SLC35F4: variants seen among roughly 807,000 people sequenced by gnomAD.
SLC35F4 encodes solute carrier family 35 member F4.
SLC35F4 carries 24 observed loss-of-function variants against 44.2 expected under a neutral mutation model. The ratio of observed to expected loss-of-function variants is 0.54; its 90% CI spans 0.39 to 0.76. SLC35F4 has a LOEUF of 0.76. SLC35F4 is among the 30% of genes least tolerant of loss of function. The pLI is 0.00. For missense variants in SLC35F4, 562 were observed against 586.1 expected (o/e 0.96, Z 0.42); for synonymous variants, 238 against 223.6 (o/e 1.06, Z -0.57).
intron 1 of SLC35F4, among the ~76,000 whole-genome samples, chr14:57,896,608 T>C (rs1434087205): frequency 6.6e-6 from 1 of 152,144 alleles, no homozygotes; most frequent in Non-Finnish European, 1.5e-5. Context: ...CTTTATCTTA[T>C]GTAAAAAAAA....
At chr14:57,781,855 A>G (rs778321134) in intron 1 of SLC35F4, among the ~76,000 whole-genome samples, 12 of 152,184 alleles carry the variant, frequency 7.9e-5, no homozygotes, top group Non-Finnish European at 1.5e-4. Flanking sequence ...AGTGGGAGTT[A>G]AATGATGAGA....
intron 4 of SLC35F4, among the ~76,000 whole-genome samples, chr14:57,574,780 G>A (rs2068694666): frequency 6.6e-6 from 1 of 152,062 alleles, no homozygotes; most frequent in Non-Finnish European, 1.5e-5. Context: ...TGGCACCACT[G>A]GTTTAACTTT....
chr14:57,746,538 G>A (rs1179490071), intron 1 of SLC35F4, among the ~76,000 whole-genome samples: 1 of 151,986 alleles, frequency 6.6e-6, no homozygotes, highest in Non-Finnish European at 1.5e-5. Flanking sequence ...ATACATTGCT[G>A]TATTCAATTT....
chr14:57,949,160 A>G (rs958964139), intron 1 of SLC35F4, among the ~76,000 whole-genome samples: 4 of 152,088 alleles, frequency 2.6e-5, no homozygotes, highest in African/African-American at 7.2e-5. Flanking sequence ...GTTACCATCT[A>G]TCTCATTTCT....
chr14:57,824,470 T>C (rs1308203535), intron 1 of SLC35F4, among the ~76,000 whole-genome samples: 6 of 152,122 alleles, frequency 3.9e-5, no homozygotes, highest in African/African-American at 1.4e-4. Flanking sequence ...CATACATAAA[T>C]AGAAGATAGA....
chr14:57,782,456 T>C (rs2077646575), intron 1 of SLC35F4, among the ~76,000 whole-genome samples: 1 of 152,068 alleles, frequency 6.6e-6, no homozygotes, highest in African/African-American at 2.4e-5. Context: ...TTTAACACCA[T>C]AAAACGTACA....
chr14:57,834,821 A>C (rs1566891676), intron 1 of SLC35F4, among the ~76,000 whole-genome samples: 1 of 152,150 alleles, frequency 6.6e-6, no homozygotes, highest in African/African-American at 2.4e-5. Flanking sequence ...GGAGTTCGAG[A>C]CCAGCATGGC....
chr14:57,597,257 G>A (rs536326901), intron 1 of SLC35F4, among the ~76,000 whole-genome samples: 1 of 152,248 alleles, frequency 6.6e-6, no homozygotes, highest in South Asian at 2.1e-4. Context: ...ATGTGTGGGT[G>A]GTATCTCATT....
At chr14:57,956,952 A>T (rs1251197648) in intron 1 of SLC35F4, among the ~76,000 whole-genome samples, 2 of 152,232 alleles carry the variant, frequency 1.3e-5, no homozygotes, top group Admixed American at 1.3e-4. Context: ...ATATACCCAA[A>T]GGATTATAAA....
At chr14:57,809,754 C>T (rs1034083308) in intron 1 of SLC35F4, among the ~76,000 whole-genome samples, 12 of 152,222 alleles carry the variant, frequency 7.9e-5, no homozygotes, top group African/African-American at 2.2e-4. Context: ...CTGCCCCACA[C>T]GGCTTGATTA....
chr14:57,755,449 T>C (rs1594970332), intron 1 of SLC35F4, among the ~76,000 whole-genome samples: 1 of 152,134 alleles, frequency 6.6e-6, no homozygotes, highest in Non-Finnish European at 1.5e-5. Context: ...CAATGTGGGG[T>C]TGACAACTGC....
At chr14:57,739,217 C>G (rs923438372) in intron 1 of SLC35F4, among the ~76,000 whole-genome samples, 6 of 152,180 alleles carry the variant, frequency 3.9e-5, no homozygotes, top group Admixed American at 1.3e-4. Context: ...TTCAACTTCT[C>G]TTGGTGTCAT....
At chr14:57,922,993 C>T (rs7146231) in intron 1 of SLC35F4, among the ~76,000 whole-genome samples, 38,734 of 152,078 alleles carry the variant, frequency 0.25, 5,063 homozygotes, top group East Asian at 0.41. Flanking sequence ...AGGCAAAAGC[C>T]TTATATGCTT....
intron 1 of SLC35F4, among the ~76,000 whole-genome samples, chr14:57,775,914 T>A (rs1471095265): frequency 6.6e-6 from 1 of 152,156 alleles, no homozygotes; most frequent in Non-Finnish European, 1.5e-5. Flanking sequence ...AATAAAATGA[T>A]ACAGAATCTT....
chr14:57,967,209 A>C (rs1247843054), intron 1 of SLC35F4, among the ~76,000 whole-genome samples: 1 of 152,146 alleles, frequency 6.6e-6, no homozygotes, highest in Non-Finnish European at 1.5e-5. Flanking sequence ...TCTCTTTGAA[A>C]GAAGACAATT....
At chr14:57,759,648 A>C (rs1414375946) in intron 1 of SLC35F4, among the ~76,000 whole-genome samples, 1 of 152,220 alleles carries the variant, frequency 6.6e-6, no homozygotes, top group African/African-American at 2.4e-5. Flanking sequence ...TTACATTCTC[A>C]GTAGCAGTGT....
chr14:57,727,256 T>C (rs922094279), intron 1 of SLC35F4, among the ~76,000 whole-genome samples: 11 of 152,020 alleles, frequency 7.2e-5, no homozygotes, highest in Admixed American at 3.9e-4. Context: ...GTGATATAAG[T>C]TGTAATGTCT....
chr14:57,909,094 A>G (rs1021010214), intron 1 of SLC35F4, among the ~76,000 whole-genome samples: 1 of 152,196 alleles, frequency 6.6e-6, no homozygotes, highest in South Asian at 2.1e-4. Context: ...AGATGATGGT[A>G]GATGTTTGGT....
intron 1 of SLC35F4, among the ~76,000 whole-genome samples, chr14:57,697,197 A>G (rs1245717676): frequency 6.6e-6 from 1 of 152,052 alleles, no homozygotes; most frequent in Non-Finnish European, 1.5e-5. Flanking sequence ...AATATTTCTA[A>G]TTTCTCTTAT....
Sources: allele counts gnomAD v4.1 joint callset (sites outside exome capture counted in the v4.1 genomes callset), GRCh38; gene constraint gnomAD v4.1.1; transcripts MANE v1.5; gene names NCBI Gene and HGNC (gene_info 2026-07-23, HGNC 2026-07-21).